Variants in PIBF1 observed in about 807,000 individuals in gnomAD.
The protein encoded by PIBF1 is progesterone-induced-blocking factor 1.
Under a neutral mutation model 112.5 loss-of-function variants are expected in PIBF1, and 90 were observed. The observed-to-expected ratio is 0.80, with a 90% CI of 0.67 to 0.95. The LOEUF is 0.95. Ranked by LOEUF, PIBF1 falls within the 40% of genes least tolerant of loss-of-function variation. The pLI is 0.00. For missense variants in PIBF1, 915 were observed against 852.3 expected (o/e 1.07, Z -0.92); for synonymous variants, 301 against 288.6 (o/e 1.04, Z -0.44).
At chr13:72,838,360 G>A (rs1264148074) in intron 9 of PIBF1, among the ~76,000 whole-genome samples, 3 of 152,060 alleles carry the variant, frequency 2.0e-5, no homozygotes, top group Non-Finnish European at 2.9e-5. Context: ...GAGGAATTGG[G>A]GAAGACTTCA....
chr13:72,947,966 A>G (rs2042194354), intron 14 of PIBF1, among the ~76,000 whole-genome samples: 1 of 152,146 alleles, frequency 6.6e-6, no homozygotes, highest in Admixed American at 6.5e-5. Context: ...TTCTCAGCAA[A>G]CTAACACAGG....
chr13:72,843,991 G>C (rs756327625), intron 9 of PIBF1, among the ~76,000 whole-genome samples: 2 of 152,068 alleles, frequency 1.3e-5, no homozygotes, highest in Non-Finnish European at 2.9e-5. Flanking sequence ...TTAACATCAC[G>C]TTTTAATTTA....
chr13:72,983,287 G>A (rs1289636791), intron 16 of PIBF1, among the ~76,000 whole-genome samples: 1 of 152,174 alleles, frequency 6.6e-6, no homozygotes, highest in Admixed American at 6.5e-5. Context: ...GCAACAGAGC[G>A]AGACTGTATC....
At chr13:72,811,608 AAGAG>A (rs1555287755) in intron 5 of PIBF1, among the ~76,000 whole-genome samples, 2 of 139,652 alleles carry the variant, frequency 1.4e-5, no homozygotes, top group African/African-American at 2.8e-5. Context: ...AAAAAAAAAA[AAGAG>A]AGAGAAATGT....
intron 10 of PIBF1, among the ~76,000 whole-genome samples, chr13:72,874,032 A>G (rs1241627239): frequency 6.6e-6 from 1 of 152,212 alleles, no homozygotes; most frequent in African/African-American, 2.4e-5. Flanking sequence ...TGGAAATTAT[A>G]CCAAAATTCA....
chr13:73,010,820 T>TTTTTTTTTTTTTA, intron 17 of PIBF1, among the ~76,000 whole-genome samples: 1 of 108,592 alleles, frequency 9.2e-6, no homozygotes, highest in Non-Finnish European at 1.9e-5. Context: ...CTTTTTTTTT[T>TTTTTTTTTTTTTA]TTTTTTTTTT....
rs891825389 is a variant in PIBF1, at chr13:72,835,676, T to C, written c.1223+308T>C. On this transcript the variant is annotated intron_variant, in intron 9 of 17. Coordinates refer to ENST00000326291, the MANE Select transcript of PIBF1 (RefSeq NM_006346.4). ...ATAAAAAGTAAAGAGTGCTGAGATA[T>C]CAGTTCTTCCTGTATTATAGCAACG... 7.2e-5 allele frequency among the ~76,000 whole-genome samples: 11 copies of C among 152,174 alleles called. No individual in the cohort carries two copies. In the South Asian group the frequency reaches 8.3e-4, roughly 11 times the overall value.
chr13:72,868,313 GAA>G (rs76699229), intron 10 of PIBF1, among the ~76,000 whole-genome samples: 1 of 124,988 alleles, frequency 8.0e-6, no homozygotes, highest in African/African-American at 3.0e-5. Context: ...TATTAAAAAA[GAA>G]AAAAAAAAAA....
intron 10 of PIBF1, among the ~76,000 whole-genome samples, chr13:72,886,263 T>C (rs1052695372): frequency 7.0e-6 from 1 of 142,618 alleles, no homozygotes; most frequent in African/African-American, 2.6e-5. Context: ...AGATCAACAC[T>C]GAGATATACG....
intron 10 of PIBF1, among the ~76,000 whole-genome samples, chr13:72,887,511 A>G (rs1267529651): frequency 2.6e-5 from 4 of 152,018 alleles, no homozygotes; most frequent in African/African-American, 4.8e-5. Context: ...CCTATACCAT[A>G]TACTAGCCAC....
At chr13:72,787,543 G>A (rs1400593413) in intron 2 of PIBF1, among the ~76,000 whole-genome samples, 3 of 152,210 alleles carry the variant, frequency 2.0e-5, no homozygotes, top group South Asian at 4.1e-4. Context: ...CCAAAAGCCT[G>A]ATGGATCTGG....
chr13:72,908,700 A>G lies in PIBF1; in HGVS notation c.1639+19A>G, dbSNP rs1373409940. On this transcript the variant is annotated intron_variant, in intron 12 of 17. Coordinates refer to ENST00000326291, the MANE Select transcript of PIBF1 (RefSeq NM_006346.4). ...GCAGAAAGTAAGTCTTCCCCCACAC[A>G]CACATGCACAACTTTTTTTTTTCTG... 1.1e-5 allele frequency: 17 copies of G among 1,584,126 alleles called. No homozygotes were observed. Among genetic ancestry groups the G allele is most frequent in the East Asian group, 9.0e-5 (4 of 44,440 alleles).
chr13:72,971,902 A>C (rs2042900690), intron 15 of PIBF1, among the ~76,000 whole-genome samples: 1 of 151,744 alleles, frequency 6.6e-6, no homozygotes, highest in South Asian at 2.1e-4. Context: ...TTCCCTCTTA[A>C]GTCCTTTGAA....
At chr13:72,794,875 A>G (rs1566278025) in intron 3 of PIBF1, among the ~76,000 whole-genome samples, 1 of 152,190 alleles carries the variant, frequency 6.6e-6, no homozygotes, top group Non-Finnish European at 1.5e-5. Flanking sequence ...GCAACTAACA[A>G]TAATGTCTGC....
chr13:72,842,723 C>T (rs35990887), intron 9 of PIBF1, among the ~76,000 whole-genome samples: 2 of 152,122 alleles, frequency 1.3e-5, no homozygotes, highest in Non-Finnish European at 2.9e-5. Context: ...TCATATCTTA[C>T]CAGGTATCTG....
chr13:73,008,903 G>T (rs2044116276), intron 17 of PIBF1, among the ~76,000 whole-genome samples: 1 of 152,156 alleles, frequency 6.6e-6, no homozygotes, highest in Admixed American at 6.6e-5. Context: ...AAGAGTATAA[G>T]AGTCAGCATC....
At chr13:72,792,081 A>C (rs1333825053) in intron 2 of PIBF1, among the ~76,000 whole-genome samples, 2 of 152,086 alleles carry the variant, frequency 1.3e-5, no homozygotes, top group African/African-American at 4.8e-5. Flanking sequence ...TGATCACTTG[A>C]GGTCAGGAGT....
intron 9 of PIBF1, chr13:72,836,053 C>T (rs1449327427): frequency 6.9e-6 from 3 of 432,564 alleles, no homozygotes; most frequent in Non-Finnish European, 1.4e-5. Flanking sequence ...GAGCCGAGAT[C>T]GCACCACTAC....
intron 11 of PIBF1, among the ~76,000 whole-genome samples, chr13:72,896,163 G>C (rs1415592546): frequency 6.6e-6 from 1 of 152,154 alleles, no homozygotes; most frequent in Non-Finnish European, 1.5e-5. Flanking sequence ...GCCTGGAGCT[G>C]GGTAGACTCA....
Sources: gnomAD v4.1 joint callset for allele counts (sites outside exome capture counted in the v4.1 genomes callset) on GRCh38, gnomAD v4.1.1 for gene constraint, MANE v1.5 for transcripts, NCBI Gene and HGNC (gene_info 2026-07-23, HGNC 2026-07-21) for gene names.